SPOP: variants seen among roughly 807,000 people sequenced by gnomAD.
SPOP encodes speckle type BTB/POZ protein.
Under a neutral mutation model 45.6 loss-of-function variants are expected in SPOP, and 11 were observed. That is an observed-to-expected ratio of 0.24 (90% CI 0.15 to 0.40). The LOEUF (loss-of-function observed/expected upper bound fraction) is 0.40. Among genes scored for constraint, SPOP ranks in the 10% least tolerant of loss-of-function variants. The pLI is 1.00. For missense variants in SPOP, 152 were observed against 465.6 expected (o/e 0.33, Z 6.20); for synonymous variants, 166 against 166.3 (o/e 1.00, Z 0.01).
chr17:49,600,582 G>A lies in SPOP; in HGVS notation c.981-60C>T. On this transcript the variant is annotated intron_variant, in intron 9 of 9. Transcript: ENST00000504102. The surrounding 1 kb of genome is among the most constrained non-coding windows in gnomAD (Gnocchi z 4.2). ...GAGTGAGCAAGGGATGAATTCAACA[G>A]CCACCTAGATAGCCTAATTTTCCAC... The A allele has an allele frequency of 6.3e-7, 1 of 1,595,564 alleles. No individual in the cohort carries two copies. The highest frequency in any genetic ancestry group is 8.6e-7 in the Non-Finnish European group (1 of 1,165,382).
rs540122528 is a variant in SPOP, at chr17:49,638,984, G to A, written c.-66-16108C>T. On this transcript the variant is annotated intron_variant, in intron 1 of 9. Coordinates refer to ENST00000504102, the MANE Select transcript of SPOP (RefSeq NM_001007228.2). ...GCAGAGACTGAGCCAACAATCCCAC[G>A]TAGTTCAGTTAATAATAGCAGGAGT... Among the ~76,000 whole-genome samples, 10 of 152,266 alleles carry A rather than the reference G, an allele frequency of 6.6e-5. No homozygotes were observed. In the South Asian group the frequency reaches 1.9e-3, roughly 28 times the overall value.
chr17:49,665,767 T>C (rs2073050270), intron 1 of SPOP, among the ~76,000 whole-genome samples: 2 of 150,344 alleles, frequency 1.3e-5, no homozygotes, highest in Non-Finnish European at 3.0e-5. Flanking sequence ...GTGGATCACC[T>C]GAGGTTAGGA....
intron 1 of SPOP, among the ~76,000 whole-genome samples, chr17:49,672,814 G>A (rs2073152798): frequency 1.3e-5 from 2 of 152,228 alleles, no homozygotes; most frequent in South Asian, 4.1e-4. Flanking sequence ...AGGTGTGGTG[G>A]TGGGCACCTA....
rs2071689774 is a variant in SPOP at position 49,598,887 on chromosome 17, G to A, written c.*1491C>T. On this transcript the variant is annotated 3_prime_UTR_variant, in exon 10 of 10. Coordinates refer to ENST00000504102, the MANE Select transcript of SPOP (RefSeq NM_001007228.2). ...ATCAAGTCAATGACAGAACCAGTTA[G>A]AGACAATAATTTCCCTTTATTTAAT... The A allele has an allele frequency of 1.1e-5, 2 of 181,422 alleles. No individual in the cohort carries two copies. The highest frequency in any genetic ancestry group is 1.8e-4 in the East Asian group (2 of 11,096). 11.2% of individuals were successfully genotyped at this position (181,422 alleles called of 1,614,324 possible). A position where few individuals can be genotyped will look rare whatever the true frequency, so the allele number is the denominator to read the frequency against.
At chr17:49,661,066 T>C (rs1256665231) in intron 1 of SPOP, among the ~76,000 whole-genome samples, 1 of 152,208 alleles carries the variant, frequency 6.6e-6, no homozygotes, top group Non-Finnish European at 1.5e-5. Flanking sequence ...GCAAATTCCA[T>C]CAGAGTGGGG....
intron 1 of SPOP, among the ~76,000 whole-genome samples, chr17:49,673,096 A>G (rs1164007647): frequency 6.6e-6 from 1 of 152,230 alleles, no homozygotes; most frequent in Non-Finnish European, 1.5e-5. Context: ...ATGGTATTAG[A>G]GAATTACTGT....
At chr17:49,625,610 AAAAAT>A (rs1418913326) in intron 1 of SPOP, among the ~76,000 whole-genome samples, 2 of 152,230 alleles carry the variant, frequency 1.3e-5, no homozygotes, top group Non-Finnish European at 2.9e-5. Flanking sequence ...CTCCATCTCA[AAAAAT>A]AAAATAAAAT....
intron 1 of SPOP, among the ~76,000 whole-genome samples, chr17:49,656,653 A>G (rs1198851407): frequency 2.6e-5 from 4 of 152,204 alleles, no homozygotes; most frequent in Non-Finnish European, 5.9e-5. Flanking sequence ...CTTGTTCTGA[A>G]GCATTTCCTA....
At chr17:49,663,612 G>A (rs1270663638) in intron 1 of SPOP, among the ~76,000 whole-genome samples, 1 of 152,222 alleles carries the variant, frequency 6.6e-6, no homozygotes, top group African/African-American at 2.4e-5. Context: ...TGGGAAGTAT[G>A]CATAAAGCAC....
At position 49,663,450 on chromosome 17, in the gene SPOP, G is replaced by A. The variant is rs118025577; in HGVS notation, c.-67+14483C>T. On this transcript the variant is annotated intron_variant, in intron 1 of 9. Transcript: ENST00000504102. ...ACTCATCAGCATAAGTAATGACATC[G>A]AACTGTACTACAGTCATTGTCTTTT... Among the ~76,000 whole-genome samples, 1,484 of 152,304 alleles carry A rather than the reference G, an allele frequency of 9.7e-3. 14 individuals are homozygous for A. Among genetic ancestry groups the A allele is most frequent in the African/African-American group, 0.014 (566 of 41,556 alleles).
intron 2 of SPOP, 134 bp downstream of exon 2, chr17:49,622,599 A>G (rs2072241779): frequency 2.7e-6 from 2 of 736,516 alleles, no homozygotes; most frequent in Non-Finnish European, 4.6e-6. Flanking sequence ...GCTAACAAGT[A>G]TCTTATCTAT....
intron 1 of SPOP, among the ~76,000 whole-genome samples, chr17:49,668,497 C>G (rs1173594479): frequency 6.6e-6 from 1 of 151,804 alleles, no homozygotes; most frequent in Non-Finnish European, 1.5e-5. Flanking sequence ...ACAGTTAGAA[C>G]ATAATAAACA....
At position 49,622,603 on chromosome 17, in the gene SPOP, T is replaced by C. The variant is rs924290542; in HGVS notation, c.78+130A>G. The C allele has an allele frequency of 2.1e-5, 16 of 760,076 alleles. 1 individual carries two copies. Among genetic ancestry groups the C allele is most frequent in the South Asian group, 1.5e-4 (9 of 59,176 alleles). The allele number at this position is 760,076 out of a possible 1,614,324, so 47.1% of individuals were successfully genotyped here. On this transcript the variant is annotated intron_variant, in intron 2 of 9. Coordinates refer to ENST00000504102, the MANE Select transcript of SPOP (RefSeq NM_001007228.2). ...AGGAACCTGAGGCTAACAAGTATCTTATCTATCTGCTCTTTGGCAGTTATG... is the reference window on the plus strand; with the variant it reads ...AGGAACCTGAGGCTAACAAGTATCTCATCTATCTGCTCTTTGGCAGTTATG...
chr17:49,601,785 T>C (rs1423394873), intron 9 of SPOP, 80 bp downstream of exon 9: 42 of 1,563,828 alleles, frequency 2.7e-5, no homozygotes, highest in Non-Finnish European at 3.6e-5. Flanking sequence ...TTGCCTGCTT[T>C]ACCCACTAAT....
At chr17:49,651,694 C>T (rs1181195585) in intron 1 of SPOP, among the ~76,000 whole-genome samples, 1 of 152,118 alleles carries the variant, frequency 6.6e-6, no homozygotes, top group African/African-American at 2.4e-5. Flanking sequence ...TTAGAGTACC[C>T]ATTTTGTGAT....
chr17:49,675,636 A>C (rs1450728346), intron 1 of SPOP, among the ~76,000 whole-genome samples: 1 of 152,220 alleles, frequency 6.6e-6, no homozygotes, highest in Non-Finnish European at 1.5e-5. Context: ...AGTACGAATT[A>C]TTTAACAATA....
intron 2 of SPOP, chr17:49,622,339 C>G: frequency 1.7e-6 from 1 of 581,106 alleles, no homozygotes; most frequent in South Asian, 1.5e-5. Context: ...AACCCACCAC[C>G]ACCATGGACA....
At chr17:49,652,497 G>A (rs2072856331) in intron 1 of SPOP, among the ~76,000 whole-genome samples, 1 of 152,158 alleles carries the variant, frequency 6.6e-6, no homozygotes, top group African/African-American at 2.4e-5. Context: ...GCCTTGAAGA[G>A]CCAGGAAAAG....
intron 1 of SPOP, among the ~76,000 whole-genome samples, chr17:49,628,062 T>G (rs1398368334): frequency 6.6e-6 from 1 of 152,186 alleles, no homozygotes; most frequent in Non-Finnish European, 1.5e-5. Flanking sequence ...GAAAAAAATT[T>G]TAGAAAAGAG....
Sources: allele counts gnomAD v4.1 joint callset (sites outside exome capture counted in the v4.1 genomes callset), GRCh38; gene constraint gnomAD v4.1.1; non-coding constraint Gnocchi (gnomAD v3.1); transcripts MANE v1.5; gene names NCBI Gene and HGNC (gene_info 2026-07-23, HGNC 2026-07-21).